BSG: variants seen among roughly 807,000 people sequenced by gnomAD.
The protein encoded by BSG is basigin (Ok blood group).
BSG carries 37 observed loss-of-function variants against 43.1 expected under a neutral mutation model. The ratio of observed to expected loss-of-function variants is 0.86; its 90% CI spans 0.66 to 1.13. The LOEUF (loss-of-function observed/expected upper bound fraction) is 1.13, where lower values mean the gene tolerates loss of function less well. BSG is among the 50% of genes most tolerant of loss of function. The pLI is 0.00. For synonymous variants in BSG, 309 were observed against 238.7 expected, an observed-to-expected ratio of 1.29 and a Z score of -2.72; for missense variants, 599 against 554.2, an observed-to-expected ratio of 1.08 and a Z score of -0.81.
chr19:578,821 C>A (rs772677581), intron 2 of BSG: 1 of 351,912 alleles, frequency 2.8e-6, no homozygotes. Context: ...ACTTCCGCCT[C>A]CCGGGTTCAA....
At chr19:573,720 C>T (rs1432971254) in intron 1 of BSG, among the ~76,000 whole-genome samples, 1 of 152,160 alleles carries the variant, frequency 6.6e-6, no homozygotes, top group South Asian at 2.1e-4. Flanking sequence ...TGAGGGGGCC[C>T]TGGCCACCCG....
At chr19:581,178 C>G (rs1385738878) in intron 5 of BSG, 137 bp from the exon 6 acceptor site, 3 of 964,504 alleles carry the variant, frequency 3.1e-6, no homozygotes, top group Admixed American at 2.6e-5. Context: ...GGTGAGGGGC[C>G]TAGACTGGGG....
chr19:579,052 G>GT (rs1982037927), intron 2 of BSG: 1 of 457,224 alleles, frequency 2.2e-6, no homozygotes, highest in Admixed American at 2.3e-5. Context: ...AGCTGGCTAC[G>GT]TTTTTAGAAA....
intron 4 of BSG, 62 bp from the exon 5 acceptor site, chr19:580,584 G>A (rs577301914): frequency 2.4e-5 from 38 of 1,607,792 alleles, no homozygotes; most frequent in South Asian, 7.7e-5. Context: ...GCCCTCCTGC[G>A]GGAGGCCGGG....
rs1982446470 is a variant in BSG at position 582,771 on chromosome 19, C to T, written c.*27C>T. 2 of 634,860 alleles carry T rather than the reference C, an allele frequency of 3.2e-6. No homozygotes were observed. The highest frequency in any genetic ancestry group is 5.5e-6 in the Non-Finnish European group (2 of 364,790). The allele number at this position is 634,860 out of a possible 1,614,324, so 39.3% of individuals were successfully genotyped here. On this transcript the variant is annotated 3_prime_UTR_variant, in exon 9 of 9. Transcript: ENST00000333511. ...ACAGGTGGCCCGAGGACGCTCCCTGCTCCACGTCTGCGCCGCCGCCGGAGT... is the reference window on the plus strand; with the variant it reads ...ACAGGTGGCCCGAGGACGCTCCCTGTTCCACGTCTGCGCCGCCGCCGGAGT...
At chr19:573,487 T>C (rs28993669) in intron 1 of BSG, among the ~76,000 whole-genome samples, 7 of 152,300 alleles carry the variant, frequency 4.6e-5, no homozygotes, top group Non-Finnish European at 8.8e-5. Context: ...TCACGGGATT[T>C]AGCCCTGGCG....
Position 576,686 on chromosome 19 carries a change from G to A in BSG, c.68-1088G>A, listed in dbSNP as rs571095325. On this transcript the variant is annotated intron_variant, in intron 1 of 8. Transcript: ENST00000333511. ...TGAGGCAGGAGAATTGCTTGAACCC[G>A]GGAGGCAGAGGTTGCGGTGAGCTGA... 3.8e-3 allele frequency among the ~76,000 whole-genome samples: 574 copies of A among 152,000 alleles called. 3 individuals are homozygous for A. The highest frequency in any genetic ancestry group is 0.013 in the African/African-American group (525 of 41,440).
chr19:579,181 G>A (rs1169891095), intron 2 of BSG: 1 of 504,374 alleles, frequency 2.0e-6, no homozygotes, highest in Non-Finnish European at 3.9e-6. Flanking sequence ...TGTGTCTCTG[G>A]GCAGGAACAT....
chr19:574,301 C>T (rs7259828), intron 1 of BSG, among the ~76,000 whole-genome samples: 20,661 of 150,822 alleles, frequency 0.14, 1,497 homozygotes, highest in Admixed American at 0.2. Flanking sequence ...CGCCTGTAAT[C>T]CCAGCACTTT....
chr19:576,750 A>G (rs1981806406), intron 1 of BSG, among the ~76,000 whole-genome samples: 1 of 73,238 alleles, frequency 1.4e-5, no homozygotes, highest in African/African-American at 6.8e-5. Context: ...CTCTGTCTCA[A>G]AAAAAAAAAA....
chr19:572,741 G>A (rs778974206), intron 1 of BSG, 40 bp downstream of exon 1: 5 of 1,416,444 alleles, frequency 3.5e-6, no homozygotes, highest in Non-Finnish European at 3.7e-6. Context: ...GTCCTGCAGG[G>A]GCCGGGAATG....
chr19:572,664 A>C lies in BSG; in HGVS notation c.30A>C (p.Gly10=). The change falls in exon 1 of 9, where the codon GGA becomes GGC. Residue 10 remains glycine (G), a synonymous_variant. Transcript: ENST00000333511. The part of the protein sequence containing the change: MAAALFVLL[G]FALLGTHGAS... ...CGGCTGCGCTGTTCGTGCTGCTGGGATTCGCGCTGCTGGGCACCCACGGAG... is the reference window on the plus strand; with the variant it reads ...CGGCTGCGCTGTTCGTGCTGCTGGGCTTCGCGCTGCTGGGCACCCACGGAG... 6.6e-7 allele frequency: 1 copy of C among 1,504,850 alleles called. No homozygotes were observed. Among genetic ancestry groups the C allele is most frequent in the South Asian group, 1.3e-5 (1 of 79,442 alleles). The allele number at this position is 1,504,850 out of a possible 1,614,324, so 93.2% of individuals were successfully genotyped here. A position where few individuals can be genotyped will look rare whatever the true frequency, so the allele number is the denominator to read the frequency against.
chr19:580,856 C>G (rs879167050), intron 5 of BSG, 74 bp downstream of exon 5: 22,964 of 1,253,514 alleles, frequency 0.018, 1,381 homozygotes, highest in South Asian at 0.063. Flanking sequence ...CTGGGGGTCC[C>G]GGACCCAGCC....
intron 2 of BSG, 111 bp downstream of exon 2, chr19:578,232 T>A: frequency 1.7e-6 from 2 of 1,151,730 alleles, no homozygotes; most frequent in South Asian, 1.8e-5. Context: ...TCCGTCCCGC[T>A]GTGCCCCGTT....
Position 581,505 on chromosome 19 carries a change from T to C in BSG, c.983T>C (p.Phe328Ser). Reference protein sequence around the residue: ...VRSHLAALWPFLGIVAEVLVL... With the variant: ...VRSHLAALWPSLGIVAEVLVL... ...AGCCACCTGGCCGCCCTCTGGCCCT[T>C]CCTGGGCATCGTGGCTGAGGTGCTG... Residue 328 changes from phenylalanine to serine, a missense_variant, in exon 6 of 9, where the codon TTC becomes TCC. Transcript: ENST00000333511. 2 of 1,597,832 alleles carry C rather than the reference T, an allele frequency of 1.3e-6. No individual in the cohort carries two copies. Among genetic ancestry groups the C allele is most frequent in the Non-Finnish European group, 1.7e-6 (2 of 1,172,962 alleles).
chr19:579,044 C>T, intron 2 of BSG: 2 of 457,080 alleles, frequency 4.4e-6, no homozygotes, highest in South Asian at 3.1e-5. Context: ...CCGCGCCCAG[C>T]TGGCTACGTT....
In BSG at chr19:572,701, G is replaced by T; in HGVS notation, c.67G>T (p.Ala23Ser). 6.8e-7 allele frequency: 1 copy of T among 1,477,934 alleles called. No individual in the cohort carries two copies. The highest frequency in any genetic ancestry group is 9.0e-7 in the Non-Finnish European group (1 of 1,108,200). 91.6% of individuals were successfully genotyped at this position (1,477,934 alleles called of 1,614,324 possible). A position where few individuals can be genotyped will look rare whatever the true frequency, so the allele number is the denominator to read the frequency against. The change falls in exon 1 of 9, where the codon GCC becomes TCC. Residue 23 changes from alanine to serine, a missense_variant and splice_region_variant. Transcript: ENST00000333511. ...GGGCACCCACGGAGCCTCCGGGGCT[G>T]GTGAGGAGCGGGTAGGGGGCGGGGG... ...LLGTHGASGA[A>S]GFVQAPLSQQ...
chr19:572,560 C>T, upstream of BSG: 1 of 1,411,184 alleles, frequency 7.1e-7, no homozygotes, highest in Non-Finnish European at 9.3e-7. Context: ...GTCCGCGCCT[C>T]CGCCGCTTTT....
upstream of BSG, chr19:571,672 A>ACT: frequency 1.3e-6 from 1 of 755,724 alleles, no homozygotes; most frequent in Non-Finnish European, 2.5e-6. Flanking sequence ...AGCACTTAGA[A>ACT]AATTTCTCAG....
Sources: allele counts gnomAD v4.1 joint callset (sites outside exome capture counted in the v4.1 genomes callset), GRCh38; gene constraint gnomAD v4.1.1; transcripts MANE v1.5; gene names NCBI Gene and HGNC (gene_info 2026-07-23, HGNC 2026-07-21).